STAT5B: variants seen among roughly 807,000 people sequenced by gnomAD.
STAT5B encodes the protein signal transducer and activator of transcription 5B.
In STAT5B, 21 loss-of-function variants were observed where a neutral mutation model predicts 107.8. The observed-to-expected ratio is 0.19, with a 90% CI of 0.14 to 0.28. The LOEUF (loss-of-function observed/expected upper bound fraction) is 0.28, where lower values mean the gene tolerates loss of function less well. STAT5B is among the 10% of genes least tolerant of loss of function. STAT5B has a pLI of 1.00. For missense variants in STAT5B, 565 were observed against 1,008.2 expected (o/e 0.56, Z 5.95); for synonymous variants, 325 against 401.7 (o/e 0.81, Z 2.28).
chr17:42,205,032 T>C (rs1464106709), intron 16 of STAT5B, among the ~76,000 whole-genome samples: 2 of 152,168 alleles, frequency 1.3e-5, no homozygotes, highest in East Asian at 1.9e-4. Flanking sequence ...GCATAGGATA[T>C]ATTTCTTTTT....
At chr17:42,268,350 G>A (rs2080692214) in intron 1 of STAT5B, among the ~76,000 whole-genome samples, 1 of 152,050 alleles carries the variant, frequency 6.6e-6, no homozygotes, top group South Asian at 2.1e-4. Flanking sequence ...TGTAGTCTAG[G>A]AGCAATAGGC....
rs758096272 is a variant in STAT5B at position 42,232,143 on chromosome 17, G to A, written c.-10-6C>T. ...ACACAGCCATGGTTTACAATCTGTT[G>A]AACAAACAATCAGTGCTTTGGGCGT... On this transcript the variant is annotated splice_polypyrimidine_tract_variant and splice_region_variant and intron_variant, in intron 1 of 18. Coordinates refer to ENST00000293328, the MANE Select transcript of STAT5B (RefSeq NM_012448.4). The A allele has an allele frequency of 1.9e-5, 31 of 1,613,330 alleles. No individual in the cohort carries two copies. The South Asian group carries it at 3.0e-4, about 15-fold the overall frequency.
intron 16 of STAT5B, among the ~76,000 whole-genome samples, chr17:42,204,750 G>C (rs1358744711): frequency 6.6e-6 from 1 of 152,216 alleles, no homozygotes; most frequent in African/African-American, 2.4e-5. Flanking sequence ...GAGTAGCTGG[G>C]ACTACAGGCA....
intron 15 of STAT5B, 105 bp downstream of exon 15, chr17:42,210,066 T>C: frequency 6.5e-7 from 1 of 1,534,606 alleles, no homozygotes; most frequent in Non-Finnish European, 8.9e-7. Context: ...TTTCCCATAA[T>C]TAGTACTGAC....
At chr17:42,241,536 G>A (rs1411711352) in intron 1 of STAT5B, among the ~76,000 whole-genome samples, 3 of 151,062 alleles carry the variant, frequency 2.0e-5, no homozygotes, top group Admixed American at 6.6e-5. Flanking sequence ...TCTGCCTCCC[G>A]GGTTCAAGAG....
Position 42,201,640 on chromosome 17 carries a change from T to C in STAT5B, c.*98A>G, listed in dbSNP as rs543937773. The C allele has an allele frequency of 1.7e-5, 15 of 880,534 alleles. No individual in the cohort carries two copies. The highest frequency in any genetic ancestry group is 2.9e-5 in the Non-Finnish European group (15 of 516,924). The allele number at this position is 880,534 out of a possible 1,614,324, so 54.5% of individuals were successfully genotyped here. A position where few individuals can be genotyped will look rare whatever the true frequency, so the allele number is the denominator to read the frequency against. On this transcript the variant is annotated 3_prime_UTR_variant, in exon 19 of 19. Coordinates refer to ENST00000293328, the MANE Select transcript of STAT5B (RefSeq NM_012448.4). ...TAGTATTAACACTTCACATTATGAG[T>C]ATTGTTTCAAAAGAGAAGCGATTCA...
intron 15 of STAT5B, 41 bp from the exon 16 acceptor site, chr17:42,207,769 T>G: frequency 6.2e-7 from 1 of 1,609,226 alleles, no homozygotes; most frequent in Non-Finnish European, 8.5e-7. Context: ...AAACATGATT[T>G]CTGAATTAGG....
intron 1 of STAT5B, among the ~76,000 whole-genome samples, chr17:42,241,840 G>C (rs759360054): frequency 6.6e-6 from 1 of 152,024 alleles, no homozygotes; most frequent in Non-Finnish European, 1.5e-5. Flanking sequence ...CAAGTAAGAA[G>C]GCTATCACAT....
chr17:42,214,555 A>G (rs2080155336), intron 12 of STAT5B: 1 of 985,332 alleles, frequency 1.0e-6, no homozygotes, highest in Admixed American at 6.1e-5. Flanking sequence ...CATGCTGTCC[A>G]TGCTGTTTTG....
intron 1 of STAT5B, among the ~76,000 whole-genome samples, chr17:42,241,612 T>G (rs780730820): frequency 2.0e-5 from 3 of 151,912 alleles, no homozygotes; most frequent in African/African-American, 4.8e-5. Flanking sequence ...CTGGCTAATT[T>G]TTGGATTTTT....
intron 15 of STAT5B, 127 bp from the exon 16 acceptor site, chr17:42,207,855 A>T (rs767774579): frequency 6.1e-5 from 58 of 945,596 alleles, no homozygotes; most frequent in Admixed American, 7.3e-5. Context: ...CCATTTAAAA[A>T]TAACCATGGG....
At chr17:42,246,440 T>TA (rs2080452312) in intron 1 of STAT5B, among the ~76,000 whole-genome samples, 1 of 152,196 alleles carries the variant, frequency 6.6e-6, no homozygotes, top group South Asian at 2.1e-4. Context: ...CTTTCAAATA[T>TA]ATAGTGCCTT....
At chr17:42,256,174 A>C (rs1281526892) in intron 1 of STAT5B, among the ~76,000 whole-genome samples, 6 of 152,016 alleles carry the variant, frequency 3.9e-5, no homozygotes, top group Admixed American at 3.9e-4. Flanking sequence ...ATAAACTCAC[A>C]TTTTTTCTAT....
At chr17:42,285,864 G>A in the STAT5B span, among the ~76,000 whole-genome samples, 1 of 152,054 alleles carries the variant, frequency 6.6e-6, no homozygotes, top group African/African-American at 2.4e-5. Flanking sequence ...GAGAAACCCA[G>A]ACAGAATCAG....
rs1030628431 is a variant in STAT5B at position 42,207,502 on chromosome 17, CACACACACACACACACACACACAA to C, written c.2077+32_2077+55del. The C allele has an allele frequency of 6.3e-6, 10 of 1,578,076 alleles. No individual in the cohort carries two copies. The African/African-American group carries it at 1.4e-4, about 23-fold the overall frequency. On this transcript the variant is annotated intron_variant, in intron 16 of 18. Coordinates refer to ENST00000293328, the MANE Select transcript of STAT5B (RefSeq NM_012448.4). ...ACGCAGGTATGCACACACACACACA[CACACACACACACACACACACACAA>C]CAAAATCAAATCAGAATGCGAACAT...
At chr17:42,266,198 C>T (rs114120372) in intron 1 of STAT5B, among the ~76,000 whole-genome samples, 1,835 of 151,956 alleles carry the variant, frequency 0.012, 46 homozygotes, top group African/African-American at 0.042. Flanking sequence ...ATGTTAAGTT[C>T]TGTGCAAACT....
intron 17 of STAT5B, 33 bp downstream of exon 17, chr17:42,202,724 C>T (rs1567653179): frequency 6.2e-7 from 1 of 1,613,380 alleles, no homozygotes; most frequent in Admixed American, 1.7e-5. Context: ...AGGAAAGAGG[C>T]AGAAGGAGAG....
rs11432222 is a variant in STAT5B at position 42,214,413 on chromosome 17, A to AG, written c.1473+1600_1473+1601insC. On this transcript the variant is annotated intron_variant, in intron 12 of 18. Transcript: ENST00000293328. ...TCAGAGTTTGTAAGTGAAGTATGGTAAATCTCTTAAAAATCTCACCTTTGC... is the reference window on the plus strand; with the variant it reads ...TCAGAGTTTGTAAGTGAAGTATGGTAGAATCTCTTAAAAATCTCACCTTTGC... The AG allele has an allele frequency of 7.6e-3, 7,483 of 985,326 alleles. 425 individuals are homozygous for AG. The African/African-American group carries it at 0.12, about 16-fold the overall frequency. 61.0% of individuals were successfully genotyped at this position (985,326 alleles called of 1,614,324 possible).
At position 42,207,526 on chromosome 17, in the gene STAT5B, A is replaced by ACACAC. The variant is rs760348581; in HGVS notation, c.2077+31_2077+32insGTGTG. 2.1e-4 allele frequency: 337 copies of ACACAC among 1,596,538 alleles called. 1 individual carries two copies. The African/African-American group carries it at 4.7e-3, about 22-fold the overall frequency. ...ACACACACACACACACACACACACA[A>ACACAC]CAAAATCAAATCAGAATGCGAACAT... On this transcript the variant is annotated intron_variant, in intron 16 of 18. Transcript: ENST00000293328.
Sources: allele counts gnomAD v4.1 joint callset (sites outside exome capture counted in the v4.1 genomes callset), GRCh38; gene constraint gnomAD v4.1.1; transcripts MANE v1.5; gene names NCBI Gene and HGNC (gene_info 2026-07-23, HGNC 2026-07-21).